MSRA: variants seen among roughly 807,000 people sequenced by gnomAD.
MSRA encodes the protein methionine sulfoxide reductase A, also known as mitochondrial peptide methionine sulfoxide reductase.
Under a neutral mutation model 31.3 loss-of-function variants are expected in MSRA, and 54 were observed. The ratio of observed to expected loss-of-function variants is 1.73; its 90% CI spans 1.39 to 2.17. The LOEUF is 2.17. Among genes scored for constraint, MSRA ranks in the 30% most tolerant of loss-of-function variants. The pLI, the probability that MSRA is intolerant of heterozygous loss-of-function variation, is 0.00. For synonymous variants in MSRA, 169 were observed against 116.5 expected, an observed-to-expected ratio of 1.45 and a Z score of -2.90; for missense variants, 507 against 300.9, an observed-to-expected ratio of 1.69 and a Z score of -5.07.
At chr8:10,184,487 C>G (rs959071789) in intron 1 of MSRA, among the ~76,000 whole-genome samples, 1 of 152,098 alleles carries the variant, frequency 6.6e-6, no homozygotes, top group Admixed American at 6.5e-5. Flanking sequence ...AAATCCTTCT[C>G]TTTCCAGACT....
At chr8:10,254,104 G>C (rs540114437) in intron 3 of MSRA, among the ~76,000 whole-genome samples, 1 of 152,134 alleles carries the variant, frequency 6.6e-6, no homozygotes, top group African/African-American at 2.4e-5. Flanking sequence ...GAGAAGCTTT[G>C]CTTAATAAAT....
intron 2 of MSRA, among the ~76,000 whole-genome samples, chr8:10,238,970 TATG>T (rs1260975230): frequency 6.6e-6 from 1 of 152,102 alleles, no homozygotes; most frequent in African/African-American, 2.4e-5. Flanking sequence ...GCAAATCAGA[TATG>T]AGGTAATATC....
intron 2 of MSRA, among the ~76,000 whole-genome samples, chr8:10,232,595 A>G (rs1313987662): frequency 6.6e-6 from 1 of 152,198 alleles, no homozygotes; most frequent in Non-Finnish European, 1.5e-5. Flanking sequence ...TGCAGTGTCA[A>G]TGTGTTTGGA....
chr8:10,064,297 T>TA (rs1166206431), intron 1 of MSRA, among the ~76,000 whole-genome samples: 1 of 152,202 alleles, frequency 6.6e-6, no homozygotes, highest in South Asian at 2.1e-4. Flanking sequence ...GTCCTCTGGG[T>TA]CAGCTGGTAC....
chr8:10,174,058 C>G (rs1805831461), intron 1 of MSRA, among the ~76,000 whole-genome samples: 1 of 152,000 alleles, frequency 6.6e-6, no homozygotes, highest in South Asian at 2.1e-4. Context: ...TGGCTGATGG[C>G]AAAGTATTAG....
At chr8:10,149,668 G>A (rs1233389958) in intron 1 of MSRA, among the ~76,000 whole-genome samples, 1 of 151,904 alleles carries the variant, frequency 6.6e-6, no homozygotes, top group Non-Finnish European at 1.5e-5. Flanking sequence ...ACAGTCACAG[G>A]CTGTCCATTT....
chr8:10,337,428 C>A, intron 5 of MSRA: 3 of 339,224 alleles, frequency 8.8e-6, no homozygotes, highest in South Asian at 3.9e-5. Flanking sequence ...ATCCACCAGC[C>A]TCGGCCTCCC....
chr8:10,119,286 G>T (rs943341378), intron 1 of MSRA, among the ~76,000 whole-genome samples: 1 of 152,320 alleles, frequency 6.6e-6, no homozygotes, highest in South Asian at 2.1e-4. Flanking sequence ...ATATGAATGG[G>T]TCTTTGTCCG....
intron 1 of MSRA, among the ~76,000 whole-genome samples, chr8:10,101,865 C>G (rs1305398291): frequency 1.3e-5 from 2 of 152,156 alleles, no homozygotes; most frequent in Non-Finnish European, 2.9e-5. Flanking sequence ...ACAGATATCT[C>G]TTTGAGCTCC....
chr8:10,362,290 C>G (rs1046573506), intron 5 of MSRA, among the ~76,000 whole-genome samples: 9 of 152,084 alleles, frequency 5.9e-5, no homozygotes, highest in African/African-American at 2.2e-4. Context: ...TCAATGAAAA[C>G]AGGACCTCTT....
chr8:10,089,339 G>C (rs985711086), intron 1 of MSRA, among the ~76,000 whole-genome samples: 1 of 152,160 alleles, frequency 6.6e-6, no homozygotes, highest in Admixed American at 6.5e-5. Context: ...GCCTCCTTTT[G>C]TATTTCCCTT....
At chr8:10,187,857 TG>T (rs544801191) in intron 1 of MSRA, among the ~76,000 whole-genome samples, 49 of 152,364 alleles carry the variant, frequency 3.2e-4, no homozygotes, top group African/African-American at 1.2e-3. Context: ...ATCAATTATT[TG>T]ATCTTACAGT....
chr8:10,227,690 G>A (rs1372134107), intron 2 of MSRA, among the ~76,000 whole-genome samples: 15 of 152,172 alleles, frequency 9.9e-5, no homozygotes. Context: ...AATTAGGGAA[G>A]GGGCTGAAAA....
At chr8:10,305,425 T>G (rs1291570741) in intron 4 of MSRA, among the ~76,000 whole-genome samples, 4 of 141,330 alleles carry the variant, frequency 2.8e-5, no homozygotes, top group Admixed American at 2.1e-4. Flanking sequence ...TTTTTTTTTT[T>G]TTTTTCCGGA....
chr8:10,389,569 G>A (rs945302532), intron 5 of MSRA, among the ~76,000 whole-genome samples: 1 of 152,124 alleles, frequency 6.6e-6, no homozygotes, highest in African/African-American at 2.4e-5. Context: ...GAGAACCACT[G>A]ACAGGACTCC....
At chr8:10,151,365 C>T (rs957545199) in intron 1 of MSRA, among the ~76,000 whole-genome samples, 6 of 151,884 alleles carry the variant, frequency 4.0e-5, no homozygotes, top group Middle Eastern at 3.2e-3. Context: ...AACAGCAGGC[C>T]GGGCGTGGTG....
intron 5 of MSRA, among the ~76,000 whole-genome samples, chr8:10,422,890 A>G (rs1371657986): frequency 3.3e-5 from 5 of 152,170 alleles, no homozygotes; most frequent in African/African-American, 1.2e-4. Context: ...CATGACCTGA[A>G]CTCATTCTCC....
intron 5 of MSRA, among the ~76,000 whole-genome samples, chr8:10,408,259 G>A (rs1260977963): frequency 6.6e-6 from 1 of 152,192 alleles, no homozygotes; most frequent in East Asian, 1.9e-4. Context: ...AACATGGGCT[G>A]GGCGTGGTGG....
At chr8:10,420,616 T>TA (rs1808752154) in intron 5 of MSRA, among the ~76,000 whole-genome samples, 1 of 152,110 alleles carries the variant, frequency 6.6e-6, no homozygotes, top group African/African-American at 2.4e-5. Flanking sequence ...TCTGCAGAGT[T>TA]ACTAACCCAG....
Sources: gnomAD v4.1 joint callset for allele counts (sites outside exome capture counted in the v4.1 genomes callset) on GRCh38, gnomAD v4.1.1 for gene constraint, MANE v1.5 for transcripts, NCBI Gene and HGNC (gene_info 2026-07-23, HGNC 2026-07-21) for gene names.